NUP153: variants seen among roughly 807,000 people sequenced by gnomAD.
NUP153 encodes the protein nuclear pore complex protein Nup153.
NUP153 carries 27 observed loss-of-function variants against 134.6 expected under a neutral mutation model. The observed-to-expected ratio is 0.20, with a 90% CI of 0.15 to 0.28. NUP153 has a LOEUF of 0.28. Among genes scored for constraint, NUP153 ranks in the 10% least tolerant of loss-of-function variants. NUP153 has a pLI of 1.00. For missense variants in NUP153, 1,821 were observed against 1,731.3 expected (o/e 1.05, Z -0.92); for synonymous variants, 640 against 623.5 (o/e 1.03, Z -0.40).
chr6:17,685,264 C>G (rs1768848227), intron 2 of NUP153, among the ~76,000 whole-genome samples: 1 of 152,130 alleles, frequency 6.6e-6, no homozygotes. Context: ...GAACAGTCAA[C>G]TAGTTGGGAG....
In NUP153 at chr6:17,637,640, C is replaced by A; in HGVS notation, c.1977G>T (p.Gly659=). The change falls in exon 16 of 22, where the codon GGG becomes GGT. Residue 659 remains glycine (G), a synonymous_variant. Transcript: ENST00000262077. ...GIGFGESLKA[G]SSWQCDTCLL... ...GACATGTATCACACTGCCATGATGA[C>A]CCAGCTTTTAAACTCTCCCCAAACC... 3.7e-6 allele frequency: 6 copies of A among 1,613,954 alleles called. No individual in the cohort carries two copies. In the South Asian group the frequency reaches 6.6e-5, roughly 18 times the overall value.
intron 1 of NUP153, among the ~76,000 whole-genome samples, chr6:17,691,643 T>C (rs1164645172): frequency 6.6e-6 from 1 of 151,886 alleles, no homozygotes; most frequent in East Asian, 1.9e-4. Context: ...TGCATGCCTG[T>C]AATCCCAGTT....
intron 20 of NUP153, among the ~76,000 whole-genome samples, chr6:17,622,276 C>G (rs1420726707): frequency 6.6e-6 from 1 of 152,052 alleles, no homozygotes; most frequent in Non-Finnish European, 1.5e-5. Flanking sequence ...ATGGCAAAAC[C>G]CTGTCTCTAC....
rs899888582 is a variant in NUP153 at position 17,706,585 on chromosome 6, G to T, written c.-198C>A. On this transcript the variant is annotated 5_prime_UTR_variant, in exon 1 of 22. Coordinates refer to ENST00000262077, the MANE Select transcript of NUP153 (RefSeq NM_005124.4). The surrounding 1 kb of genome is among the most constrained non-coding windows in gnomAD (Gnocchi z 5.9). ...AGAGAGGGTGAGTGCTGGCAGCGGG[G>T]AAGGGGGTGGCGGCCGCAGAGGCCG... 3 of 581,964 alleles carry T rather than the reference G, an allele frequency of 5.2e-6. No homozygotes were observed. Among genetic ancestry groups the T allele is most frequent in the African/African-American group, 4.0e-5 (2 of 50,514 alleles). 36.1% of individuals were successfully genotyped at this position (581,964 alleles called of 1,614,324 possible). A position where few individuals can be genotyped will look rare whatever the true frequency, so the allele number is the denominator to read the frequency against.
intron 12 of NUP153, 46 bp from the exon 13 acceptor site, chr6:17,647,951 G>C (rs775625181): frequency 1.7e-6 from 2 of 1,195,732 alleles, no homozygotes; most frequent in Middle Eastern, 1.9e-4. Flanking sequence ...GAGCTTTTTA[G>C]AAAAATAAAG....
At chr6:17,701,848 A>AGGGGGGGGGG (rs1561917012) in intron 1 of NUP153, among the ~76,000 whole-genome samples, 1 of 90,276 alleles carries the variant, frequency 1.1e-5, no homozygotes, top group African/African-American at 4.0e-5. Flanking sequence ...GGGGGGGAAA[A>AGGGGGGGGGG]AAGCTAAATG....
intron 18 of NUP153, among the ~76,000 whole-genome samples, chr6:17,627,747 T>A (rs1249123892): frequency 6.6e-6 from 1 of 152,234 alleles, no homozygotes; most frequent in Non-Finnish European, 1.5e-5. Flanking sequence ...GTTTTTAGCA[T>A]GTGATGTTAC....
At chr6:17,665,573 G>A (rs554421082) in intron 8 of NUP153, among the ~76,000 whole-genome samples, 188 bp from the exon 9 acceptor site, 24 of 152,212 alleles carry the variant, frequency 1.6e-4, no homozygotes, top group Middle Eastern at 6.8e-3. Context: ...ATATACCTAT[G>A]CACATAAATA....
rs200562896 is a variant in NUP153, at chr6:17,689,539, CT to C, written c.112-922del. On this transcript the variant is annotated intron_variant, in intron 1 of 21. Coordinates refer to ENST00000262077, the MANE Select transcript of NUP153 (RefSeq NM_005124.4). ...GTGATTAATTTTATTACGGTAACTT[CT>C]TTTTTTTTTTTTTGAGACGGAGTTT... Among the ~76,000 whole-genome samples the C allele has an allele frequency of 5.5e-3, 794 of 143,484 alleles. 7 individuals are homozygous for C. The highest frequency in any genetic ancestry group is 0.013 in the African/African-American group (520 of 39,372). The allele number at this position is 143,484 out of a possible 152,430, so 94.1% of individuals were successfully genotyped here. A position where few individuals can be genotyped will look rare whatever the true frequency, so the allele number is the denominator to read the frequency against.
chr6:17,658,173 G>T (rs1198448020), intron 11 of NUP153, among the ~76,000 whole-genome samples: 1 of 152,206 alleles, frequency 6.6e-6, no homozygotes, highest in Non-Finnish European at 1.5e-5. Context: ...GCTGAGGCAG[G>T]CAGATCATTT....
In NUP153 at chr6:17,624,616, C is replaced by T. The variant is rs765354083; in HGVS notation, c.4119G>A (p.Val1373=). The stretch of plus-strand genomic sequence containing the variant: ...CAGACTGACTAGGTTGCTGTCCAAA[C>T]ACAGGGGGCTGGCTACTGCTTGACA... ...GTVSSSSQPP[V]FGQQPSQSAF... The change falls in exon 20 of 22, where the codon GTG becomes GTA. Residue 1373 remains valine (V), a synonymous_variant. Transcript: ENST00000262077. The T allele has an allele frequency of 2.5e-6, 4 of 1,614,068 alleles. No homozygotes were observed. In the African/African-American group the frequency reaches 4.0e-5, roughly 16 times the overall value.
In NUP153 at chr6:17,629,295, C is replaced by T. The variant is rs1765105932; in HGVS notation, c.2904G>A (p.Lys968=). ...TACTATCTTTTTTAACTTCTTCGGG[C>T]TTAGATTCAGATGAAACTCCAAATT... ...DFKFGVSSES[K]PEEVKKDSKN... is the part of the protein sequence containing the mutation. Residue 968 remains lysine, a synonymous_variant, in exon 18 of 22, where the codon AAG becomes AAA. Transcript: ENST00000262077. 1 of 1,608,534 alleles carries T rather than the reference C, an allele frequency of 6.2e-7. No individual in the cohort carries two copies. Among genetic ancestry groups the T allele is most frequent in the South Asian group, 1.1e-5 (1 of 89,490 alleles).
At chr6:17,650,106 CT>C (rs1294476460) in intron 11 of NUP153, among the ~76,000 whole-genome samples, 5 of 152,078 alleles carry the variant, frequency 3.3e-5, no homozygotes, top group African/African-American at 7.2e-5. Flanking sequence ...TAGCTTCTAC[CT>C]GATAAACGTT....
At chr6:17,669,081 C>CTTTTT in intron 7 of NUP153, 53 bp from the exon 8 acceptor site, 2 of 930,274 alleles carry the variant, frequency 2.1e-6, no homozygotes, top group Non-Finnish European at 3.0e-6. Flanking sequence ...TGAAAAATAC[C>CTTTTT]TTTTTTTTTT....
rs780052229 is a variant in NUP153 at position 17,629,386 on chromosome 6, G to A, written c.2813C>T (p.Ser938Phe). The A allele has an allele frequency of 3.1e-6, 5 of 1,613,998 alleles. No individual in the cohort carries two copies. The Admixed American group carries it at 8.3e-5, about 27-fold the overall frequency. ...DQGGFKIGVSSDSGSINPMSE... is the reference protein window; with the variant it reads ...DQGGFKIGVSFDSGSINPMSE... ...CATGGGGTTTATAGACCCAGAATCG[G>A]ATGACACACCTATTTTGAATCCTCC... The change falls in exon 18 of 22, where the codon TCC becomes TTC. Residue 938 changes from serine to phenylalanine, a missense_variant. Coordinates refer to ENST00000262077, the MANE Select transcript of NUP153 (RefSeq NM_005124.4).
At chr6:17,699,447 C>A (rs1345084788) in intron 1 of NUP153, among the ~76,000 whole-genome samples, 6 of 143,764 alleles carry the variant, frequency 4.2e-5, no homozygotes, top group Non-Finnish European at 9.0e-5. Context: ...CGCACCATTG[C>A]ACTTCAGCCT....
chr6:17,649,920 AG>A (rs1027058287), intron 11 of NUP153, among the ~76,000 whole-genome samples: 2 of 152,102 alleles, frequency 1.3e-5, no homozygotes, highest in Non-Finnish European at 2.9e-5. Context: ...TAAGGGGGTG[AG>A]GGGGAGCATT....
intron 2 of NUP153, among the ~76,000 whole-genome samples, chr6:17,679,218 C>CA (rs576549593): frequency 5.7e-4 from 86 of 151,956 alleles, no homozygotes; most frequent in South Asian, 4.8e-3. Context: ...AAAATCAACA[C>CA]AAAAAAATGT....
chr6:17,689,393 A>C (rs1210208122), intron 1 of NUP153, among the ~76,000 whole-genome samples: 1 of 151,256 alleles, frequency 6.6e-6, no homozygotes, highest in Non-Finnish European at 1.5e-5. Context: ...ATCTCAAAAA[A>C]CAAAACAAAA....
Sources: allele counts gnomAD v4.1 joint callset (sites outside exome capture counted in the v4.1 genomes callset), GRCh38; gene constraint gnomAD v4.1.1; non-coding constraint Gnocchi (gnomAD v3.1); transcripts MANE v1.5; gene names NCBI Gene and HGNC (gene_info 2026-07-23, HGNC 2026-07-21).